The following DOCK4 variants were observed in gnomAD, a reference collection of about 807,000 sequenced individuals.
DOCK4 encodes dedicator of cytokinesis 4.
Under a neutral mutation model 268.1 loss-of-function variants are expected in DOCK4, and 97 were observed. The observed-to-expected ratio is 0.36, with a 90% CI of 0.31 to 0.43. The LOEUF (loss-of-function observed/expected upper bound fraction) is 0.43. Ranked by LOEUF, DOCK4 falls within the 20% of genes least tolerant of loss-of-function variation. DOCK4 has a pLI of 1.00. For synonymous variants in DOCK4, 954 were observed against 887.2 expected (o/e 1.08, Z -1.34); for missense variants, 2,145 against 2,455.7 (o/e 0.87, Z 2.67).
At chr7:111,816,595 T>A (rs1345505097) in intron 27 of DOCK4, among the ~76,000 whole-genome samples, 1 of 152,056 alleles carries the variant, frequency 6.6e-6, no homozygotes, top group Non-Finnish European at 1.5e-5. Context: ...AGGACTGGTG[T>A]TACACATGGA....
At chr7:112,206,026 G>C (rs1821377775) in intron 1 of DOCK4, 76 bp downstream of exon 1, 4 of 1,493,402 alleles carry the variant, frequency 2.7e-6, no homozygotes, top group African/African-American at 1.4e-5. Flanking sequence ...GAGCGAGAGG[G>C]GCGCGGGGGC....
chr7:111,888,493 G>C (rs1808027897), intron 16 of DOCK4, among the ~76,000 whole-genome samples: 1 of 151,922 alleles, frequency 6.6e-6, no homozygotes, highest in Non-Finnish European at 1.5e-5. Context: ...AGTGCTTCTG[G>C]ATGATTTCAT....
In DOCK4 at chr7:111,811,375, A is replaced by G. The variant is rs571035026; in HGVS notation, c.3006+499T>C. 3.9e-5 allele frequency among the ~76,000 whole-genome samples: 6 copies of G among 152,284 alleles called. No homozygotes were observed. The South Asian group carries it at 1.2e-3, about 32-fold the overall frequency. On this transcript the variant is annotated intron_variant, in intron 28 of 52. Transcript: ENST00000428084. ...CTTTGTTTGCTATTTATCACTTGCT[A>G]TTTGAAAAATAGTATATCAAGAATT...
intron 1 of DOCK4, among the ~76,000 whole-genome samples, chr7:112,198,162 T>C (rs1301834985): frequency 2.6e-5 from 4 of 151,966 alleles, no homozygotes; most frequent in Non-Finnish European, 4.4e-5. Flanking sequence ...AATTAGGCCA[T>C]GAGGGGGAGC....
At chr7:112,135,667 T>C (rs555282292) in intron 1 of DOCK4, among the ~76,000 whole-genome samples, 8 of 149,840 alleles carry the variant, frequency 5.3e-5, no homozygotes, top group South Asian at 2.1e-4. Flanking sequence ...CCATCTAGAA[T>C]AGAAATTCAA....
chr7:112,160,435 T>C (rs890201274), intron 1 of DOCK4, among the ~76,000 whole-genome samples: 1 of 152,114 alleles, frequency 6.6e-6, no homozygotes, highest in Non-Finnish European at 1.5e-5. Context: ...ACAAACCACA[T>C]CAGGTTCCAT....
intron 7 of DOCK4, among the ~76,000 whole-genome samples, chr7:111,981,968 T>A (rs147303874): frequency 4.6e-5 from 7 of 152,218 alleles, no homozygotes; most frequent in Middle Eastern, 3.4e-3. Flanking sequence ...AAAACCAAAC[T>A]CAGGAAAATA....
rs1309084318 is a variant in DOCK4, at chr7:112,192,082, T to C, written c.37+14020A>G. On this transcript the variant is annotated intron_variant, in intron 1 of 52. Coordinates refer to ENST00000428084, the MANE Select transcript of DOCK4 (RefSeq NM_001363540.2). Reference sequence around the variant, plus strand: ...TTGTGCTTGTGTGTGTGTATATATATAGTGTGCATTTATATATAATTATAT... The same window carrying C: ...TTGTGCTTGTGTGTGTGTATATATACAGTGTGCATTTATATATAATTATAT... Among the ~76,000 whole-genome samples the C allele has an allele frequency of 3.3e-5, 5 of 149,872 alleles. No individual in the cohort carries two copies. The East Asian group carries it at 7.8e-4, about 23-fold the overall frequency.
chr7:112,018,473 G>A (rs1284983090), intron 1 of DOCK4, among the ~76,000 whole-genome samples: 1 of 152,048 alleles, frequency 6.6e-6, no homozygotes, highest in East Asian at 1.9e-4. Flanking sequence ...GGTTTTTAGA[G>A]GGCACCAGGT....
At chr7:112,179,072 A>G (rs1035780351) in intron 1 of DOCK4, among the ~76,000 whole-genome samples, 1 of 152,192 alleles carries the variant, frequency 6.6e-6, no homozygotes, top group Non-Finnish European at 1.5e-5. Context: ...GTTACTTGAG[A>G]TGCTTATTTA....
At chr7:112,075,883 T>A (rs910936752) in intron 1 of DOCK4, among the ~76,000 whole-genome samples, 1 of 152,226 alleles carries the variant, frequency 6.6e-6, no homozygotes, top group South Asian at 2.1e-4. Flanking sequence ...TTTCATTTTC[T>A]GTGAGCTTTT....
intron 16 of DOCK4, among the ~76,000 whole-genome samples, chr7:111,882,672 G>T (rs191421436): frequency 6.6e-6 from 1 of 152,172 alleles, no homozygotes; most frequent in East Asian, 1.9e-4. Context: ...GAGTGCAATG[G>T]TGTGATCTCG....
chr7:111,728,279 AC>A lies in DOCK4; in HGVS notation c.5922del (p.Gln1974HisfsTer29). On this transcript the variant is annotated frameshift_variant, in exon 53 of 53. Coordinates refer to ENST00000428084, the MANE Select transcript of DOCK4 (RefSeq NM_001363540.2). LOFTEE classifies it high-confidence loss of function. ...RPRPLPRKVS[Q>X]L ...CAGGTACATAGAAAAGTGACTTATA[AC>A]TGAGAGACCTTGCGGGGCAGGGGCC... 1 of 1,490,204 alleles carries A rather than the reference AC, an allele frequency of 6.7e-7. No homozygotes were observed. Among genetic ancestry groups the A allele is most frequent in the Non-Finnish European group, 8.9e-7 (1 of 1,119,992 alleles). The allele number at this position is 1,490,204 out of a possible 1,614,324, so 92.3% of individuals were successfully genotyped here. A position where few individuals can be genotyped will look rare whatever the true frequency, so the allele number is the denominator to read the frequency against.
intron 16 of DOCK4, among the ~76,000 whole-genome samples, chr7:111,885,516 T>C (rs1008098164): frequency 3.3e-5 from 5 of 152,212 alleles, no homozygotes; most frequent in Non-Finnish European, 7.3e-5. Flanking sequence ...TTACCAGTGT[T>C]ATGGCAGATG....
At chr7:111,947,237 T>G (rs748514048) in intron 8 of DOCK4, among the ~76,000 whole-genome samples, 3 of 152,184 alleles carry the variant, frequency 2.0e-5, no homozygotes, top group Admixed American at 1.3e-4. Context: ...CAAATACATA[T>G]AAGAGGAGAT....
chr7:112,150,043 T>C (rs1815909670), intron 1 of DOCK4, among the ~76,000 whole-genome samples: 1 of 152,174 alleles, frequency 6.6e-6, no homozygotes, highest in Non-Finnish European at 1.5e-5. Flanking sequence ...AGTCTTATTA[T>C]TGTCCACCAT....
At chr7:111,988,964 C>T in intron 6 of DOCK4, 51 bp downstream of exon 6, 1 of 1,563,932 alleles carries the variant, frequency 6.4e-7, no homozygotes, top group Non-Finnish European at 8.7e-7. Flanking sequence ...GCCTATGTCA[C>T]TTCCATTGTG....
At chr7:111,950,831 T>C (rs562745012) in intron 8 of DOCK4, among the ~76,000 whole-genome samples, 3 of 152,350 alleles carry the variant, frequency 2.0e-5, no homozygotes, top group South Asian at 4.1e-4. Context: ...ATCTTTATTA[T>C]ATTCAACATA....
chr7:111,760,454 A>G, intron 39 of DOCK4, 132 bp from the exon 40 acceptor site: 1 of 923,776 alleles, frequency 1.1e-6, no homozygotes, highest in Non-Finnish European at 1.6e-6. Flanking sequence ...ATTACGCTGG[A>G]ACAATCTGAA....
Sources: allele counts gnomAD v4.1 joint callset (sites outside exome capture counted in the v4.1 genomes callset), GRCh38; gene constraint gnomAD v4.1.1; transcripts MANE v1.5; gene names NCBI Gene and HGNC (gene_info 2026-07-23, HGNC 2026-07-21).